Variants in DPF3 observed in about 807,000 individuals in gnomAD.
The protein encoded by DPF3 is double PHD fingers 3.
A neutral mutation model predicts 56.8 loss-of-function variants in DPF3; 18 were observed. The observed-to-expected ratio is 0.32, with a 90% CI of 0.22 to 0.47. The LOEUF is 0.47. Ranked by LOEUF, DPF3 falls within the 20% of genes least tolerant of loss-of-function variation. DPF3 has a pLI of 1.00. For synonymous variants in DPF3, 188 were observed against 180.2 expected, an observed-to-expected ratio of 1.04 and a Z score of -0.35; for missense variants, 403 against 488.8, an observed-to-expected ratio of 0.82 and a Z score of 1.65.
intron 3 of DPF3, among the ~76,000 whole-genome samples, chr14:72,744,498 C>A (rs995923053): frequency 6.6e-6 from 1 of 152,160 alleles, no homozygotes; most frequent in South Asian, 2.1e-4. Flanking sequence ...CAGCTCCCCA[C>A]TTTCCAGCCT....
In DPF3 at chr14:72,784,232, T is replaced by G. The variant is rs574852798; in HGVS notation, c.33-12339A>C. ...ACCTGCCATTTTTGGAGGCACATAC[T>G]TGTAAATAGAACAAAGCCAGACTGA... On this transcript the variant is annotated intron_variant, in intron 1 of 10. Transcript: ENST00000556509. Among the ~76,000 whole-genome samples the G allele has an allele frequency of 6.6e-5, 10 of 152,176 alleles. No homozygotes were observed. The East Asian group carries it at 1.9e-3, about 29-fold the overall frequency.
Position 72,714,482 on chromosome 14 carries a change from C to T in DPF3, c.545G>A (p.Gly182Asp), listed in dbSNP as rs746107615. 1.6e-5 allele frequency: 26 copies of T among 1,613,766 alleles called. No homozygotes were observed. Among genetic ancestry groups the T allele is most frequent in the Non-Finnish European group, 2.2e-5 (26 of 1,179,764 alleles). ...TRGRARGSAG[G>D]RRRHDAASQE... ...AGAGGCGGCGTCGTGCCTCCTCCTG[C>T]CCCCTGCAGAGCCGCGAGCCTGGGG... The change falls in exon 6 of 11, where the codon GGC (glycine) becomes GAC (aspartate). Residue 182 changes from glycine to aspartate, a missense_variant. Coordinates refer to ENST00000556509, the MANE Select transcript of DPF3 (RefSeq NM_001280542.3).
At chr14:72,660,200 T>G (rs184139102) in intron 8 of DPF3, among the ~76,000 whole-genome samples, 25 of 152,208 alleles carry the variant, frequency 1.6e-4, no homozygotes, top group Admixed American at 6.5e-4. Flanking sequence ...AAGGCAAATT[T>G]TATGTAATGC....
intron 1 of DPF3, among the ~76,000 whole-genome samples, chr14:72,788,957 T>G (rs1892320394): frequency 6.6e-6 from 1 of 152,242 alleles, no homozygotes; most frequent in Admixed American, 6.5e-5. Flanking sequence ...CTGGTTAGGA[T>G]TAATTTTATC....
intron 1 of DPF3, among the ~76,000 whole-genome samples, chr14:72,809,788 T>C (rs1640247889): frequency 6.6e-6 from 1 of 152,102 alleles, no homozygotes; most frequent in Admixed American, 6.6e-5. Context: ...GGAATACCAA[T>C]GCAAACGGCC....
intron 1 of DPF3, among the ~76,000 whole-genome samples, chr14:72,786,549 C>T (rs1167677198): frequency 6.6e-6 from 1 of 152,184 alleles, no homozygotes; most frequent in Non-Finnish European, 1.5e-5. Flanking sequence ...CAACAGAGAC[C>T]ATGTGGCCTG....
intron 7 of DPF3, among the ~76,000 whole-genome samples, chr14:72,688,066 T>C (rs1051601046): frequency 1.3e-5 from 2 of 151,446 alleles, no homozygotes; most frequent in African/African-American, 4.9e-5. Flanking sequence ...TTTATGCCTG[T>C]CCTCCCTAGT....
chr14:72,705,712 A>G (rs906658194), intron 6 of DPF3, among the ~76,000 whole-genome samples: 3 of 152,178 alleles, frequency 2.0e-5, no homozygotes, highest in Non-Finnish European at 4.4e-5. Flanking sequence ...CCAGACATTC[A>G]TCAACAGTTT....
intron 1 of DPF3, among the ~76,000 whole-genome samples, chr14:72,851,120 C>G (rs774271793): frequency 1.3e-5 from 2 of 152,138 alleles, no homozygotes; most frequent in Non-Finnish European, 2.9e-5. Context: ...TTCCTAAGTG[C>G]TTGGGAGAAT....
chr14:72,771,890 G>T lies in DPF3; in HGVS notation c.36C>A (p.Leu12=), dbSNP rs748266515. Residue 12 remains leucine, a synonymous_variant, in exon 2 of 11, where the codon CTC becomes CTA. Transcript: ENST00000556509. The part of the protein sequence containing the change: ...ATVIHNPLKA[L]GDQFYKEAIE... Reference sequence around the variant, plus strand: ...TGGCTTCCTTGTAGAACTGGTCCCCGAGCCTGCCAGAGTCAGAGAGTGAAG... The same window carrying T: ...TGGCTTCCTTGTAGAACTGGTCCCCTAGCCTGCCAGAGTCAGAGAGTGAAG... The T allele has an allele frequency of 6.3e-7, 1 of 1,579,742 alleles. No homozygotes were observed. The highest frequency in any genetic ancestry group is 8.6e-7 in the Non-Finnish European group (1 of 1,163,578).
chr14:72,792,088 C>A (rs889291544), intron 1 of DPF3, among the ~76,000 whole-genome samples: 1 of 152,146 alleles, frequency 6.6e-6, no homozygotes, highest in Non-Finnish European at 1.5e-5. Flanking sequence ...ACATGCCCCC[C>A]ACCCCCGCCC....
At chr14:72,640,108 C>T (rs974454942) in intron 8 of DPF3, among the ~76,000 whole-genome samples, 6 of 111,636 alleles carry the variant, frequency 5.4e-5, no homozygotes, top group Non-Finnish European at 1.1e-4. Flanking sequence ...GGAAAGGCAA[C>T]AGCAGGAAAT....
At chr14:72,864,366 C>T (rs1220655135) in intron 1 of DPF3, among the ~76,000 whole-genome samples, 1 of 152,226 alleles carries the variant, frequency 6.6e-6, no homozygotes. Flanking sequence ...TTTTCTGCCA[C>T]AGCATTTACA....
intron 3 of DPF3, 110 bp from the exon 4 acceptor site, chr14:72,732,044 C>G: frequency 1.5e-6 from 2 of 1,375,876 alleles, no homozygotes; most frequent in Non-Finnish European, 1.9e-6. Flanking sequence ...GACTCGGGGC[C>G]TGTGCTCTCT....
intron 1 of DPF3, among the ~76,000 whole-genome samples, chr14:72,807,337 C>A (rs1482876364): frequency 1.3e-5 from 2 of 152,176 alleles, no homozygotes; most frequent in Non-Finnish European, 2.9e-5. Flanking sequence ...TGAATTAACA[C>A]TAGGAAATGT....
At position 72,617,560 on chromosome 14, in the gene DPF3, A is replaced by G. The variant is rs1370570894; in HGVS notation, c.*1737T>C. 6.6e-6 allele frequency among the ~76,000 whole-genome samples: 1 copy of G among 152,154 alleles called. No individual in the cohort carries two copies. Among genetic ancestry groups the G allele is most frequent in the Non-Finnish European group, 1.5e-5 (1 of 68,028 alleles). On this transcript the variant is annotated 3_prime_UTR_variant, in exon 11 of 11. Transcript: ENST00000556509. ...AATGAGACCATTATGTATGTGTGTG[A>G]TTCCCTCTGAGGCCACAGGCCCCTG...
chr14:72,771,432 G>A (rs1324675238), intron 2 of DPF3, among the ~76,000 whole-genome samples: 1 of 152,102 alleles, frequency 6.6e-6, no homozygotes, highest in African/African-American at 2.4e-5. Flanking sequence ...GATGAAGATT[G>A]CTGTCATGTC....
In DPF3 at chr14:72,732,837, T is replaced by C. The variant is rs533226262; in HGVS notation, c.302-903A>G. On this transcript the variant is annotated intron_variant, in intron 3 of 10. Coordinates refer to ENST00000556509, the MANE Select transcript of DPF3 (RefSeq NM_001280542.3). ...TCTTTCTTTCCTTCCCTCCTTTCTT[T>C]CCTTTCCCTCCCTCCCTCCTTTCTT... Among the ~76,000 whole-genome samples, 48 of 152,192 alleles carry C rather than the reference T, an allele frequency of 3.2e-4. No homozygotes were observed. In the South Asian group the frequency reaches 9.8e-3, roughly 31 times the overall value.
At chr14:72,703,986 G>A (rs1272375806) in intron 6 of DPF3, among the ~76,000 whole-genome samples, 1 of 152,174 alleles carries the variant, frequency 6.6e-6, no homozygotes, top group Non-Finnish European at 1.5e-5. Flanking sequence ...TGAGCTAATT[G>A]TTTTTACACA....
Sources: gnomAD v4.1 joint callset for allele counts (sites outside exome capture counted in the v4.1 genomes callset) on GRCh38, gnomAD v4.1.1 for gene constraint, MANE v1.5 for transcripts, NCBI Gene and HGNC (gene_info 2026-07-23, HGNC 2026-07-21) for gene names.